RBFOX1: variants seen among roughly 807,000 people sequenced by gnomAD.
The protein encoded by RBFOX1 is RNA binding fox-1 homolog 1.
Under a neutral mutation model 57.7 loss-of-function variants are expected in RBFOX1, and 8 were observed. The ratio of observed to expected loss-of-function variants is 0.14; its 90% CI spans 0.08 to 0.25. RBFOX1 has a LOEUF of 0.25. Among genes scored for constraint, RBFOX1 ranks in the 10% least tolerant of loss-of-function variants. RBFOX1 has a pLI of 1.00. For missense variants in RBFOX1, 611 were observed against 548.5 expected (o/e 1.11, Z -1.14); for synonymous variants, 326 against 222.4 (o/e 1.47, Z -4.15).
At chr16:5,294,042 A>G (rs1420132037) in intron 1 of RBFOX1, among the ~76,000 whole-genome samples, 2 of 152,118 alleles carry the variant, frequency 1.3e-5, no homozygotes, top group African/African-American at 2.4e-5. Flanking sequence ...CTGCTTGGCC[A>G]ACGTGGTGAA....
intron 5 of RBFOX1, among the ~76,000 whole-genome samples, chr16:7,523,756 A>C (rs1464127319): frequency 6.6e-6 from 1 of 152,168 alleles, no homozygotes; most frequent in Non-Finnish European, 1.5e-5. Flanking sequence ...TTTTTGTTAC[A>C]AACAATTACA....
intron 3 of RBFOX1, among the ~76,000 whole-genome samples, chr16:5,781,367 G>C (rs1176116097): frequency 6.6e-6 from 1 of 152,100 alleles, no homozygotes; most frequent in African/African-American, 2.4e-5. Flanking sequence ...CTTCTCAATG[G>C]ATTGCTATTA....
intron 1 of RBFOX1, among the ~76,000 whole-genome samples, chr16:5,311,833 A>T (rs11647553): frequency 0.56 from 85,247 of 152,128 alleles, 26,913 homozygotes; most frequent in East Asian, 0.73. Context: ...ATCTAGATGC[A>T]GCTTCAGCAA....
intron 1 of RBFOX1, among the ~76,000 whole-genome samples, chr16:6,205,079 T>G (rs2097245328): frequency 6.6e-6 from 1 of 152,206 alleles, no homozygotes; most frequent in African/African-American, 2.4e-5. Context: ...TTCTATTATC[T>G]CAGAAGCTCT....
Position 5,856,529 on chromosome 16 carries a change from ATATGTG to A in RBFOX1, c.319-10766_319-10761del, listed in dbSNP as rs1199624953. 3.4e-4 allele frequency among the ~76,000 whole-genome samples: 19 copies of A among 55,580 alleles called. 1 individual carries two copies. Among genetic ancestry groups the A allele is most frequent in the Admixed American group, 2.0e-3 (9 of 4,548 alleles). The allele number at this position is 55,580 out of a possible 152,430, so 36.5% of individuals were successfully genotyped here. On this transcript the variant is annotated intron_variant, in intron 3 of 19. Transcript: ENST00000641259. ...ATTTTGACCAACATCTCTCATTCATATATGTGTATGTGTGTGTGTGTGTGTGTGTGT... is the reference window on the plus strand; with the variant it reads ...ATTTTGACCAACATCTCTCATTCATATATGTGTGTGTGTGTGTGTGTGTGT...
At chr16:5,697,282 C>G (rs2050874305) in intron 3 of RBFOX1, among the ~76,000 whole-genome samples, 1 of 151,908 alleles carries the variant, frequency 6.6e-6, no homozygotes. Flanking sequence ...TTCGCTCTCT[C>G]TTTCCAACCT....
At chr16:6,771,419 C>G (rs548805891) in intron 3 of RBFOX1, among the ~76,000 whole-genome samples, 37 of 152,230 alleles carry the variant, frequency 2.4e-4, no homozygotes, top group African/African-American at 8.4e-4. Flanking sequence ...CAAGCTAATA[C>G]ACTTCTGCTC....
chr16:5,704,806 G>A (rs1281992882), intron 3 of RBFOX1, among the ~76,000 whole-genome samples: 5 of 152,114 alleles, frequency 3.3e-5, no homozygotes, highest in Non-Finnish European at 7.3e-5. Context: ...AGGGTGAGTT[G>A]GCCAGTGCCA....
At chr16:6,377,071 G>A (rs1000079847) in intron 2 of RBFOX1, among the ~76,000 whole-genome samples, 1 of 151,600 alleles carries the variant, frequency 6.6e-6, no homozygotes, top group African/African-American at 2.4e-5. Context: ...TCAGGAGTTC[G>A]ATACCAGCCT....
chr16:7,405,687 G>A (rs1005395855), intron 4 of RBFOX1, among the ~76,000 whole-genome samples: 7 of 152,212 alleles, frequency 4.6e-5, no homozygotes, highest in Admixed American at 4.6e-4. Flanking sequence ...TCAGGTCCCA[G>A]CTGCACCTGT....
chr16:5,552,581 A>C (rs2045506932), intron 2 of RBFOX1, among the ~76,000 whole-genome samples: 1 of 152,148 alleles, frequency 6.6e-6, no homozygotes. Context: ...GGAATTTCAA[A>C]CTGTCAGAGG....
chr16:6,588,092 G>T (rs1037995760), intron 2 of RBFOX1, among the ~76,000 whole-genome samples: 2 of 151,732 alleles, frequency 1.3e-5, no homozygotes, highest in African/African-American at 2.4e-5. Context: ...TTAGCTGGGC[G>T]TGGTGGCACA....
intron 2 of RBFOX1, among the ~76,000 whole-genome samples, chr16:6,492,183 T>C (rs1474119948): frequency 6.6e-6 from 1 of 152,212 alleles, no homozygotes; most frequent in Non-Finnish European, 1.5e-5. Context: ...TATATTGTAT[T>C]GGAAAATAAT....
intron 3 of RBFOX1, among the ~76,000 whole-genome samples, chr16:7,002,268 C>G (rs1018691806): frequency 2.0e-5 from 3 of 152,300 alleles, no homozygotes; most frequent in Admixed American, 2.0e-4. Flanking sequence ...AATCTATCTA[C>G]TTTGGAACTT....
At chr16:5,331,615 C>T (rs530642782) in intron 1 of RBFOX1, among the ~76,000 whole-genome samples, 2 of 152,380 alleles carry the variant, frequency 1.3e-5, no homozygotes, top group African/African-American at 4.8e-5. Context: ...AAGCCAGTCA[C>T]ATGGCCAAAC....
intron 4 of RBFOX1, among the ~76,000 whole-genome samples, chr16:7,179,582 G>C (rs1438908093): frequency 6.6e-6 from 1 of 151,930 alleles, no homozygotes; most frequent in African/African-American, 2.4e-5. Context: ...ATTTAACGTG[G>C]ACACATGGTT....
intron 14 of RBFOX1, among the ~76,000 whole-genome samples, chr16:7,698,478 G>A (rs1475413411): frequency 1.3e-5 from 2 of 151,944 alleles, no homozygotes; most frequent in Non-Finnish European, 2.9e-5. Context: ...CAAGTTCAGG[G>A]GTACAAGGAG....
At chr16:6,795,228 C>G (rs544469907) in intron 3 of RBFOX1, among the ~76,000 whole-genome samples, 1 of 152,104 alleles carries the variant, frequency 6.6e-6, no homozygotes, top group East Asian at 1.9e-4. Context: ...CACTTGTGTC[C>G]ACAAACCACC....
intron 4 of RBFOX1, among the ~76,000 whole-genome samples, chr16:7,165,149 C>G (rs908594230): frequency 1.3e-5 from 2 of 152,130 alleles, no homozygotes; most frequent in Admixed American, 1.3e-4. Flanking sequence ...TGGGTCCCTA[C>G]TTGTGTTGAA....
Sources: allele counts gnomAD v4.1 joint callset (sites outside exome capture counted in the v4.1 genomes callset), GRCh38; gene constraint gnomAD v4.1.1; transcripts MANE v1.5; gene names NCBI Gene and HGNC (gene_info 2026-07-23, HGNC 2026-07-21).